GPATCH2L: variants seen among roughly 807,000 people sequenced by gnomAD.
The protein encoded by GPATCH2L is G patch domain-containing protein 2-like.
Under a neutral mutation model 57.4 loss-of-function variants are expected in GPATCH2L, and 31 were observed. That is an observed-to-expected ratio of 0.54 (90% CI 0.41 to 0.73). The LOEUF is 0.73. GPATCH2L is among the 30% of genes least tolerant of loss of function. The probability of loss-of-function intolerance (pLI) is 0.00; values close to 1 mark genes in which losing one functional copy is unlikely to be tolerated. For missense variants in GPATCH2L, 481 were observed against 599.9 expected (o/e 0.80, Z 2.07); for synonymous variants, 199 against 210.7 (o/e 0.94, Z 0.48).
chr14:76,223,636 T>C (rs1465381393), intron 1 of GPATCH2L, among the ~76,000 whole-genome samples: 1 of 152,160 alleles, frequency 6.6e-6, no homozygotes, highest in Non-Finnish European at 1.5e-5. Context: ...GTCAAGAAGA[T>C]GAAACGACGA....
Position 76,202,421 on chromosome 14 carries a change from TTCCA to T in GPATCH2L, c.*572_*575del. On this transcript the variant is annotated 3_prime_UTR_variant, in exon 10 of 10. Coordinates refer to ENST00000261530, the MANE Select transcript of GPATCH2L (RefSeq NM_017926.4). ...ACACCAGCAACTGGGCCTTGAGAAC[TTCCA>T]TTTTTTTGCAGATTGTCTGCAGAAA... 1 of 152,632 alleles carries T rather than the reference TTCCA, an allele frequency of 6.6e-6. No individual in the cohort carries two copies. Among genetic ancestry groups the T allele is most frequent in the Non-Finnish European group, 1.5e-5 (1 of 68,068 alleles). The allele number at this position is 152,632 out of a possible 1,614,324, so 9.5% of individuals were successfully genotyped here.
At position 76,154,297 on chromosome 14, in the gene GPATCH2L, CTTTCTT is replaced by C. The variant is rs765791957; in HGVS notation, c.-10-42_-10-37del. 1.5e-5 allele frequency: 20 copies of C among 1,370,362 alleles called. No individual in the cohort carries two copies. The highest frequency in any genetic ancestry group is 2.9e-5 in the African/African-American group (2 of 68,788). The allele number at this position is 1,370,362 out of a possible 1,614,324, so 84.9% of individuals were successfully genotyped here. A position where few individuals can be genotyped will look rare whatever the true frequency, so the allele number is the denominator to read the frequency against. ...CCAAAACAACAGATCCTTTTTCAGG[CTTTCTT>C]TTTCTTTTTCTTTTCTTTCTTTCTT... On this transcript the variant is annotated intron_variant, in intron 1 of 9. Coordinates refer to ENST00000261530, the MANE Select transcript of GPATCH2L (RefSeq NM_017926.4). The surrounding 1 kb of genome is among the most constrained non-coding windows in gnomAD (Gnocchi z 4.4).
intron 9 of GPATCH2L, among the ~76,000 whole-genome samples, chr14:76,201,212 G>A (rs1566817031): frequency 6.6e-6 from 1 of 152,146 alleles, no homozygotes. Flanking sequence ...GTGGGGTTTA[G>A]AGTCCAGTAT....
intron 8 of GPATCH2L, among the ~76,000 whole-genome samples, chr14:76,188,465 A>G (rs948229223): frequency 6.6e-6 from 1 of 152,254 alleles, no homozygotes; most frequent in Non-Finnish European, 1.5e-5. Context: ...TCTGATGATC[A>G]GTGATATTGA....
intron 8 of GPATCH2L, among the ~76,000 whole-genome samples, chr14:76,186,889 G>A (rs2039786169): frequency 6.6e-6 from 1 of 152,116 alleles, no homozygotes; most frequent in African/African-American, 2.4e-5. Context: ...ATTAGATTAG[G>A]GAGAATTTTC....
chr14:76,179,950 T>A (rs1430498383), intron 7 of GPATCH2L: 2 of 150,526 alleles, frequency 1.3e-5, no homozygotes, highest in Non-Finnish European at 2.9e-5. Context: ...TTTGGGAGGC[T>A]GAGGCAGGTG....
At chr14:76,176,321 T>C in intron 5 of GPATCH2L, 1 of 278,554 alleles carries the variant, frequency 3.6e-6, no homozygotes, top group Non-Finnish European at 6.7e-6. Flanking sequence ...TACTCCTATA[T>C]ACTTCAGTAG....
intron 8 of GPATCH2L, among the ~76,000 whole-genome samples, chr14:76,186,161 C>T (rs2039758159): frequency 6.6e-6 from 1 of 152,002 alleles, no homozygotes; most frequent in Non-Finnish European, 1.5e-5. Context: ...CTTCCAGAGT[C>T]ATTTGCTAAT....
chr14:76,167,890 A>G (rs958589401), intron 3 of GPATCH2L, among the ~76,000 whole-genome samples: 5 of 152,252 alleles, frequency 3.3e-5, no homozygotes, highest in Non-Finnish European at 5.9e-5. Context: ...CTACAGTGCT[A>G]AGAATATCAA....
intron 8 of GPATCH2L, among the ~76,000 whole-genome samples, chr14:76,185,595 G>T (rs1361966871): frequency 1.3e-5 from 2 of 152,080 alleles, no homozygotes; most frequent in Admixed American, 6.6e-5. Context: ...CAAAGGAAAG[G>T]TCAACTTTTA....
intron 8 of GPATCH2L, among the ~76,000 whole-genome samples, chr14:76,190,929 G>T (rs188400477): frequency 7.2e-5 from 11 of 152,264 alleles, no homozygotes; most frequent in African/African-American, 2.6e-4. Context: ...ACTTGGTGGA[G>T]ACTTTAACTT....
intron 2 of GPATCH2L, among the ~76,000 whole-genome samples, chr14:76,162,972 T>G (rs1204268586): frequency 6.6e-6 from 1 of 152,216 alleles, no homozygotes; most frequent in African/African-American, 2.4e-5. Context: ...AAGGAACACT[T>G]CTTCCCTAGC....
intron 1 of GPATCH2L, among the ~76,000 whole-genome samples, chr14:76,223,903 G>A (rs1192924741): frequency 6.6e-6 from 1 of 152,130 alleles, no homozygotes; most frequent in Non-Finnish European, 1.5e-5. Flanking sequence ...TTCCTAGACA[G>A]TTAAAAACTT....
chr14:76,195,307 A>G (rs1406208056), intron 8 of GPATCH2L, among the ~76,000 whole-genome samples: 2 of 152,234 alleles, frequency 1.3e-5, no homozygotes, highest in Admixed American at 6.5e-5. Context: ...CTGAGTATTC[A>G]GATGAAGGAA....
Position 76,170,795 on chromosome 14 carries a change from T to A in GPATCH2L, c.728-1048T>A, listed in dbSNP as rs558684371. The A allele has an allele frequency of 2.6e-5, 4 of 152,238 alleles. No individual in the cohort carries two copies. In the South Asian group the frequency reaches 8.3e-4, roughly 32 times the overall value. 9.4% of individuals were successfully genotyped at this position (152,238 alleles called of 1,614,324 possible). On this transcript the variant is annotated intron_variant, in intron 3 of 9. Transcript: ENST00000261530. ...TCCAAGTTTATACCACTGAGAATGG[T>A]ATAGGGGAGGCAGTTTGTTTTTGTA...
At chr14:76,152,553 T>A in intron 1 of GPATCH2L, 1 of 423,374 alleles carries the variant, frequency 2.4e-6, no homozygotes, top group South Asian at 1.6e-5. Flanking sequence ...TTCCTTCCTG[T>A]GCGTGACTCA....
At chr14:76,159,366 G>A (rs770721767) in intron 2 of GPATCH2L, among the ~76,000 whole-genome samples, 10 of 151,944 alleles carry the variant, frequency 6.6e-5, no homozygotes, top group Non-Finnish European at 1.0e-4. Context: ...CTCTTATTTC[G>A]CAGAATTTGT....
chr14:76,176,972 AT>A (rs201242940), intron 6 of GPATCH2L, among the ~76,000 whole-genome samples: 7 of 149,470 alleles, frequency 4.7e-5, no homozygotes, highest in South Asian at 2.1e-4. Flanking sequence ...CTGTCCCTAA[AT>A]TTTTTTTTTT....
At chr14:76,231,184 T>C (rs12590176) in intron 2 of GPATCH2L, among the ~76,000 whole-genome samples, 89,839 of 152,148 alleles carry the variant, frequency 0.59, 26,861 homozygotes, top group South Asian at 0.69. Context: ...GTGTTTTGTG[T>C]ATAGTATCAA....
Sources: gnomAD v4.1 joint callset for allele counts (sites outside exome capture counted in the v4.1 genomes callset) on GRCh38, gnomAD v4.1.1 for gene constraint, Gnocchi (gnomAD v3.1) non-coding constraint, MANE v1.5 for transcripts, NCBI Gene and HGNC (gene_info 2026-07-23, HGNC 2026-07-21) for gene names.